The following DPP6 variants were observed in gnomAD, a reference collection of about 807,000 sequenced individuals.
The protein encoded by DPP6 is dipeptidyl peptidase like 6.
DPP6 carries 69 observed loss-of-function variants against 122.6 expected under a neutral mutation model. That is an observed-to-expected ratio of 0.56 (90% CI 0.46 to 0.69). The LOEUF is 0.69. Among genes scored for constraint, DPP6 ranks in the 30% least tolerant of loss-of-function variants. The pLI, the probability that DPP6 is intolerant of heterozygous loss-of-function variation, is 0.00. For missense variants in DPP6, 928 were observed against 1,116.9 expected, an observed-to-expected ratio of 0.83 and a Z score of 2.41; for synonymous variants, 418 against 433.1, an observed-to-expected ratio of 0.97 and a Z score of 0.43.
chr7:154,792,459 T>A (rs1797742588), intron 10 of DPP6, among the ~76,000 whole-genome samples: 1 of 152,268 alleles, frequency 6.6e-6, no homozygotes, highest in African/African-American at 2.4e-5. Context: ...GTGACATATA[T>A]TTTTTTCTTA....
intron 5 of DPP6, among the ~76,000 whole-genome samples, chr7:154,597,513 T>C (rs147440269): frequency 0.014 from 2,170 of 151,858 alleles, 52 homozygotes; most frequent in African/African-American, 0.049. Flanking sequence ...CTCAGGAGGC[T>C]GAGGCAGGAG....
At chr7:154,728,508 G>A (rs1487452950) in intron 8 of DPP6, among the ~76,000 whole-genome samples, 1 of 152,212 alleles carries the variant, frequency 6.6e-6, no homozygotes, top group Non-Finnish European at 1.5e-5. Flanking sequence ...CCATGCTCAT[G>A]ACCCTTCATC....
chr7:154,360,233 G>A (rs1272512378), intron 1 of DPP6, among the ~76,000 whole-genome samples: 8 of 152,060 alleles, frequency 5.3e-5, no homozygotes, highest in Non-Finnish European at 8.8e-5. Context: ...ACTGCCTGAG[G>A]AGCTATCAAA....
At chr7:154,745,592 G>T (rs1480305262) in intron 8 of DPP6, among the ~76,000 whole-genome samples, 2 of 152,188 alleles carry the variant, frequency 1.3e-5, no homozygotes, top group African/African-American at 4.8e-5. Flanking sequence ...GAGTTTATTT[G>T]CCTCAGGGTT....
At chr7:154,006,266 G>T (rs577349270) in intron 1 of DPP6, among the ~76,000 whole-genome samples, 4,711 of 151,982 alleles carry the variant, frequency 0.031, 220 homozygotes, top group African/African-American at 0.11. Flanking sequence ...TTGGTGCTTG[G>T]TGGGCCCCAA....
chr7:153,791,980 C>T, the DPP6 span, among the ~76,000 whole-genome samples: 104 of 152,320 alleles, frequency 6.8e-4, no homozygotes, highest in African/African-American at 2.3e-3. Flanking sequence ...CCCATGTGCT[C>T]TCCACAAACA....
chr7:154,434,041 C>T lies in DPP6; in HGVS notation c.244-12173C>T, dbSNP rs58640649. On this transcript the variant is annotated intron_variant, in intron 1 of 25. Transcript: ENST00000377770. ...ATTTTACCTATAAGAACAATAAAGG[C>T]GTCTTCAGGCTTTTTAAACCTGTAA... is the stretch of plus-strand genomic sequence containing the variant. Among the ~76,000 whole-genome samples the T allele has an allele frequency of 7.9e-3, 1,200 of 152,288 alleles. 11 individuals carry two copies. Among genetic ancestry groups the T allele is most frequent in the African/African-American group, 0.027 (1,118 of 41,558 alleles).
At chr7:154,480,341 G>A (rs6959127) in intron 3 of DPP6, among the ~76,000 whole-genome samples, 57,532 of 151,838 alleles carry the variant, frequency 0.38, 11,262 homozygotes, top group Middle Eastern at 0.47. Context: ...ATCCACTCCC[G>A]TTAGGCTACC....
intron 1 of DPP6, among the ~76,000 whole-genome samples, chr7:153,911,547 A>T (rs1800093856): frequency 6.6e-6 from 1 of 152,222 alleles, no homozygotes; most frequent in South Asian, 2.1e-4. Flanking sequence ...TTTAATACAT[A>T]AAAAACTTTT....
chr7:153,799,566 T>C, the DPP6 span, among the ~76,000 whole-genome samples: 1 of 152,168 alleles, frequency 6.6e-6, no homozygotes, highest in Admixed American at 6.5e-5. Context: ...ACCTAAGAAG[T>C]GATCATCAGA....
intron 1 of DPP6, among the ~76,000 whole-genome samples, chr7:154,140,099 CCTG>C (rs1795770551): frequency 6.6e-6 from 1 of 152,192 alleles, no homozygotes; most frequent in Non-Finnish European, 1.5e-5. Context: ...TCTTGGGACT[CCTG>C]CTTCTATCCA....
intron 1 of DPP6, among the ~76,000 whole-genome samples, chr7:154,191,298 T>A (rs1360021508): frequency 6.6e-6 from 1 of 152,256 alleles, no homozygotes; most frequent in South Asian, 2.1e-4. Flanking sequence ...ATCATTGACA[T>A]TGAATATGTA....
chr7:154,697,947 G>A (rs1426474559), intron 7 of DPP6, among the ~76,000 whole-genome samples: 2 of 152,010 alleles, frequency 1.3e-5, no homozygotes, highest in Non-Finnish European at 2.9e-5. Flanking sequence ...ACAGGTGCTA[G>A]GTTCATTTTA....
chr7:153,926,490 A>G (rs909132090), intron 1 of DPP6, among the ~76,000 whole-genome samples: 1 of 152,158 alleles, frequency 6.6e-6, no homozygotes, highest in African/African-American at 2.4e-5. Flanking sequence ...CTTGATTTGT[A>G]GAGAGTGCTT....
chr7:154,808,210 T>A (rs1349043404), intron 16 of DPP6, among the ~76,000 whole-genome samples: 2 of 152,222 alleles, frequency 1.3e-5, no homozygotes, highest in African/African-American at 4.8e-5. Context: ...ATCAGAGCAA[T>A]GTCTTTGCTA....
intron 1 of DPP6, among the ~76,000 whole-genome samples, chr7:153,948,101 TCTGAGGTATTGGG>T (rs1465631390): frequency 1.3e-5 from 2 of 152,188 alleles, no homozygotes; most frequent in Non-Finnish European, 2.9e-5. Context: ...AAGCTCATAT[TCTGAGGTATTGGG>T]CATTGGGACT....
At chr7:154,573,409 A>C (rs1831255664) in intron 5 of DPP6, among the ~76,000 whole-genome samples, 1 of 152,210 alleles carries the variant, frequency 6.6e-6, no homozygotes, top group Non-Finnish European at 1.5e-5. Flanking sequence ...TCTCACCTTC[A>C]GCACGTTCTC....
At chr7:154,435,921 C>T (rs1283547034) in intron 1 of DPP6, among the ~76,000 whole-genome samples, 4 of 152,056 alleles carry the variant, frequency 2.6e-5, no homozygotes, top group Non-Finnish European at 4.4e-5. Flanking sequence ...TTATTTTCTC[C>T]CAATATTTTT....
chr7:154,239,830 A>G lies in DPP6; in HGVS notation c.243+186767A>G, dbSNP rs556801204. Among the ~76,000 whole-genome samples, 262 of 151,110 alleles carry G rather than the reference A, an allele frequency of 1.7e-3. 2 individuals are homozygous for G. Among genetic ancestry groups the G allele is most frequent in the Non-Finnish European group, 2.6e-3 (178 of 67,760 alleles). On this transcript the variant is annotated intron_variant, in intron 1 of 25. Coordinates refer to ENST00000377770, the MANE Select transcript of DPP6 (RefSeq NM_130797.4). ...TCTACTAAAACTACAAAAAAAAAAA[A>G]AAAAGAAAAAGAAAAGCCAGGCATG...
Sources: gnomAD v4.1 joint callset for allele counts (sites outside exome capture counted in the v4.1 genomes callset) on GRCh38, gnomAD v4.1.1 for gene constraint, MANE v1.5 for transcripts, NCBI Gene and HGNC (gene_info 2026-07-23, HGNC 2026-07-21) for gene names.